EIF4G1: variants seen among roughly 807,000 people sequenced by gnomAD.
EIF4G1 encodes the protein EIF4-gamma.
Under a neutral mutation model 187.8 loss-of-function variants are expected in EIF4G1, and 4 were observed. The observed-to-expected ratio is 0.02, with a 90% CI of 0.01 to 0.05. The LOEUF (loss-of-function observed/expected upper bound fraction) is 0.05, where lower values mean the gene tolerates loss of function less well. EIF4G1 is among the 10% of genes least tolerant of loss of function. EIF4G1 has a pLI of 1.00. For synonymous variants in EIF4G1, 844 were observed against 781.4 expected (o/e 1.08, Z -1.34); for missense variants, 1,647 against 2,081.1 (o/e 0.79, Z 4.06).
chr3:184,324,753 C>T, intron 17 of EIF4G1, 125 bp from the exon 18 acceptor site: 2 of 1,065,756 alleles, frequency 1.9e-6, no homozygotes, highest in Non-Finnish European at 1.4e-6. Context: ...GCATGAGCCA[C>T]TATGCCCAGC....
intron 17 of EIF4G1, 49 bp from the exon 18 acceptor site, chr3:184,324,829 C>T (rs746825239): frequency 5.4e-5 from 86 of 1,595,570 alleles, no homozygotes; most frequent in Middle Eastern, 1.8e-4. Flanking sequence ...GGGTTTTAGC[C>T]GAGTGGCTGG....
In EIF4G1 at chr3:184,323,836, G is replaced by A. The variant is rs768489606; in HGVS notation, c.2331G>A (p.Gln777=). ...ATAAACTGACACCCCAGATGTTCCA[G>A]CAGCTGATGAAGCAAGTGACGCAGC... ...ILNKLTPQMF[Q]QLMKQVTQLA... Residue 777 remains glutamine, a synonymous_variant, in exon 16 of 33, where the codon CAG becomes CAA. Coordinates refer to ENST00000346169, the MANE Select transcript of EIF4G1 (RefSeq NM_198241.3). The surrounding 1 kb of genome is among the most constrained non-coding windows in gnomAD (Gnocchi z 6.9). The A allele has an allele frequency of 3.7e-6, 6 of 1,614,068 alleles. No homozygotes were observed. The highest frequency in any genetic ancestry group is 2.7e-5 in the African/African-American group (2 of 74,932).
rs1724750017 is a variant in EIF4G1 at position 184,325,702 on chromosome 3, T to G, written c.3121+63T>G. ...GGGACCGGGAGGTTATACTTTCCTCTGATGACTTCCTGTTAGTGCCACGTG... is the reference window on the plus strand; with the variant it reads ...GGGACCGGGAGGTTATACTTTCCTCGGATGACTTCCTGTTAGTGCCACGTG... On this transcript the variant is annotated intron_variant, in intron 20 of 32. Transcript: ENST00000346169. This position sits in a 1 kb window ranked among gnomAD's most constrained non-coding sequence, Gnocchi z 5.2. The G allele has an allele frequency of 5.6e-6, 9 of 1,613,556 alleles. No individual in the cohort carries two copies. In the East Asian group the frequency reaches 2.0e-4, roughly 36 times the overall value.
rs754719526 is a variant in EIF4G1 at position 184,322,041 on chromosome 3, C to A, written c.1457C>A (p.Pro486Gln). Residue 486 changes from proline (P) to glutamine (Q), a missense_variant, in exon 10 of 33, where the codon CCA becomes CAA. This residue lies in a region of EIF4G1 where 522 missense variants were observed against 485.2 expected (regional missense o/e 1.08). Coordinates refer to ENST00000346169, the MANE Select transcript of EIF4G1 (RefSeq NM_198241.3). ...AAAGGAGGAGAGGAACTGCTCCCCC[C>A]AGAGAGTACCCCTATTCCAGCCAAC... ...SEKGGEELLP[P>Q]ESTPIPANLS... 7 of 1,613,992 alleles carry A rather than the reference C, an allele frequency of 4.3e-6. No homozygotes were observed. Among genetic ancestry groups the A allele is most frequent in the Non-Finnish European group, 5.1e-6 (6 of 1,180,048 alleles).
rs1216864618 is a variant in EIF4G1 at position 184,315,779 on chromosome 3, G to C, written c.-18G>C. 3.9e-6 allele frequency: 6 copies of C among 1,551,564 alleles called. No homozygotes were observed. Among genetic ancestry groups the C allele is most frequent in the Non-Finnish European group, 4.4e-6 (5 of 1,146,982 alleles). ...TCCCAACAGGTGCTGGGGGGACCCTGATGTGGCACCAAATGAAATGAACAA... is the reference window on the plus strand; with the variant it reads ...TCCCAACAGGTGCTGGGGGGACCCTCATGTGGCACCAAATGAAATGAACAA... On this transcript the variant is annotated 5_prime_UTR_variant, in exon 3 of 33. Coordinates refer to ENST00000346169, the MANE Select transcript of EIF4G1 (RefSeq NM_198241.3).
At chr3:184,328,462 G>T (rs1023945820) in intron 26 of EIF4G1, 169 bp from the exon 27 acceptor site, 1 of 952,556 alleles carries the variant, frequency 1.0e-6, no homozygotes, top group Non-Finnish European at 1.7e-6. Context: ...GTTAAGCGGG[G>T]TGAAAACCAT....
At chr3:184,315,709 T>G in intron 2 of EIF4G1, 54 bp from the exon 3 acceptor site, 1 of 1,378,690 alleles carries the variant, frequency 7.3e-7, no homozygotes, top group Non-Finnish European at 1.0e-6. Flanking sequence ...CACCGCCCCA[T>G]TTGCCTTAAG....
Position 184,324,258 on chromosome 3 carries a change from T to C in EIF4G1, c.2530T>C (p.Leu844=), listed in dbSNP as rs112367078. 1.9e-6 allele frequency: 3 copies of C among 1,614,230 alleles called. No individual in the cohort carries two copies. Among genetic ancestry groups the C allele is most frequent in the Non-Finnish European group, 2.5e-6 (3 of 1,180,048 alleles). Residue 844 remains leucine (L), a synonymous_variant, in exon 17 of 33, where the codon TTG becomes CTG. Transcript: ENST00000346169. The stretch of plus-strand genomic sequence containing the variant: ...GACTGTGAACTTCCGAAAGCTGTTG[T>C]TGAATCGATGTCAGAAGGAGTTTGA... ...TVTVNFRKLL[L]NRCQKEFEKD... is the part of the protein sequence containing the mutation.
Position 184,327,906 on chromosome 3 carries a change from C to T in EIF4G1, c.3857C>T (p.Thr1286Met), listed in dbSNP as rs781371449. ...TTTGTACGGCATGGTGTCGAGTCTA[C>T]GCTGGAGCGCAGTGCCATTGCTCGT... is the stretch of plus-strand genomic sequence containing the variant. Reference protein sequence around the residue: ...FIFVRHGVESTLERSAIAREH... With the variant: ...FIFVRHGVESMLERSAIAREH... Residue 1286 changes from threonine (T) to methionine (M), a missense_variant, in exon 26 of 33, where the codon ACG (threonine) becomes ATG (methionine). Coordinates refer to ENST00000346169, the MANE Select transcript of EIF4G1 (RefSeq NM_198241.3). The T allele has an allele frequency of 2.2e-5, 35 of 1,613,384 alleles. No individual in the cohort carries two copies. Among genetic ancestry groups the T allele is most frequent in the South Asian group, 7.7e-5 (7 of 91,088 alleles).
rs2108496453 is a variant in EIF4G1, at chr3:184,325,054, T to G, written c.2796T>G (p.Leu932=). ...TTAAGAACCATGATGAAGAGTCCCT[T>G]GAGTGCCTTTGTCGTCTGCTCACCA... The part of the protein sequence containing the change: ...KLLKNHDEES[L]ECLCRLLTTI... Residue 932 remains leucine, a synonymous_variant, in exon 18 of 33, where the codon CTT becomes CTG. Coordinates refer to ENST00000346169, the MANE Select transcript of EIF4G1 (RefSeq NM_198241.3). This position sits in a 1 kb window ranked among gnomAD's most constrained non-coding sequence, Gnocchi z 5.2. The G allele has an allele frequency of 1.2e-6, 2 of 1,614,204 alleles. No homozygotes were observed. The highest frequency in any genetic ancestry group is 4.5e-5 in the East Asian group (2 of 44,870).
intron 32 of EIF4G1, among the ~76,000 whole-genome samples, chr3:184,332,368 G>A (rs530612370): frequency 2.6e-5 from 4 of 152,320 alleles, no homozygotes; most frequent in African/African-American, 4.8e-5. Context: ...TCCCAGTACC[G>A]TGTGCCCCCA....
rs780629228 is a variant in EIF4G1 at position 184,322,697 on chromosome 3, C to G, written c.1762C>G (p.Gln588Glu). The change falls in exon 12 of 33, where the codon CAG (glutamine) becomes GAG (glutamate). Residue 588 changes from glutamine to glutamate, a missense_variant. Gln to Glu is a conservative substitution (Grantham distance 29). This residue lies in a region of EIF4G1 where 522 missense variants were observed against 485.2 expected (regional missense o/e 1.08). Coordinates refer to ENST00000346169, the MANE Select transcript of EIF4G1 (RefSeq NM_198241.3). ...EDKIHNAENI[Q>E]PGEQKYEYKS... The stretch of plus-strand genomic sequence containing the variant: ...CAAAATTCACAATGCTGAGAACATC[C>G]AGCCCGGGGAACAGAAGTATGAATA... The G allele has an allele frequency of 6.2e-6, 10 of 1,614,060 alleles. No homozygotes were observed. The South Asian group carries it at 1.1e-4, about 18-fold the overall frequency.
chr3:184,320,951 G>C lies in EIF4G1; in HGVS notation c.655G>C (p.Ala219Pro). 1 of 1,614,216 alleles carries C rather than the reference G, an allele frequency of 6.2e-7. No individual in the cohort carries two copies. The highest frequency in any genetic ancestry group is 8.5e-7 in the Non-Finnish European group (1 of 1,180,032). Residue 219 changes from alanine (A) to proline (P), a missense_variant, in exon 9 of 33, where the codon GCT becomes CCT. Ala to Pro is a conservative substitution (Grantham distance 27, BLOSUM62 -1). Around this residue, in one of 11 missense-constraint regions of EIF4G1, gnomAD observed 522 missense variants for 485.2 expected, o/e 1.08. Transcript: ENST00000346169. ...PQTGGGLEPQ[A>P]NGETPQVAVI... ...GACGGGAGGCGGTCTGGAGCCTCAAGCTAATGGGGAGACGCCCCAGGTTGC... is the reference window on the plus strand; with the variant it reads ...GACGGGAGGCGGTCTGGAGCCTCAACCTAATGGGGAGACGCCCCAGGTTGC...
rs960792011 is a variant in EIF4G1 at position 184,327,427 on chromosome 3, C to T, written c.3640C>T (p.Arg1214Trp). Residue 1214 changes from arginine (R) to tryptophan (W), a missense_variant, in exon 24 of 33, where the codon CGG (arginine) becomes TGG (tryptophan). Arg to Trp is a moderately radical substitution (Grantham distance 101). Transcript: ENST00000346169. ...LRKAASLTED[R>W]DRGRDAVKRE... is the part of the protein sequence containing the mutation. Reference sequence around the variant, plus strand: ...CAAGGCAGCTAGCCTCACGGAGGATCGGGACCGTGGGCGGGATGCCGGTGA... The same window carrying T: ...CAAGGCAGCTAGCCTCACGGAGGATTGGGACCGTGGGCGGGATGCCGGTGA... 15 of 1,613,284 alleles carry T rather than the reference C, an allele frequency of 9.3e-6. No individual in the cohort carries two copies. Among genetic ancestry groups the T allele is most frequent in the African/African-American group, 4.0e-5 (3 of 74,916 alleles).
chr3:184,321,884 C>T lies in EIF4G1; in HGVS notation c.1300C>T (p.Pro434Ser). 1.1e-5 allele frequency: 18 copies of T among 1,612,828 alleles called. No homozygotes were observed. Among genetic ancestry groups the T allele is most frequent in the Non-Finnish European group, 1.5e-5 (18 of 1,179,050 alleles). ...QAKEVTASMA[P>S]PTIPSATPAT... ...CAAGGAGGTGACAGCATCAATGGCG[C>T]CCCCCACCATCCCCTCTGCTACTCC... Residue 434 changes from proline (P) to serine (S), a missense_variant, in exon 10 of 33, where the codon CCC becomes TCC. Pro to Ser is a moderately conservative substitution (Grantham distance 74). This residue lies in a region of EIF4G1 where 522 missense variants were observed against 485.2 expected (regional missense o/e 1.08). Coordinates refer to ENST00000346169, the MANE Select transcript of EIF4G1 (RefSeq NM_198241.3).
chr3:184,321,815 C>T lies in EIF4G1; in HGVS notation c.1231C>T (p.Pro411Ser). Residue 411 changes from proline to serine, a missense_variant, in exon 10 of 33, where the codon CCA becomes TCA. Coordinates refer to ENST00000346169, the MANE Select transcript of EIF4G1 (RefSeq NM_198241.3). ...EELLNGAPSPPAVDLSPVSEP... is the reference protein window; with the variant it reads ...EELLNGAPSPSAVDLSPVSEP... ...ACTGCTCAACGGAGCCCCCTCGCCA[C>T]CAGCTGTGGACTTAAGCCCAGTCAG... The T allele has an allele frequency of 3.1e-6, 5 of 1,614,078 alleles. No individual in the cohort carries two copies. The highest frequency in any genetic ancestry group is 4.2e-6 in the Non-Finnish European group (5 of 1,179,926).
Position 184,325,793 on chromosome 3 carries a change from G to C in EIF4G1, c.3122-58G>C. ...GGAAGGGAGGCTGGGGGTGGCCCAA[G>C]GGGAAGGGGCTGCTAGGATTTATTC... On this transcript the variant is annotated intron_variant, in intron 20 of 32. Coordinates refer to ENST00000346169, the MANE Select transcript of EIF4G1 (RefSeq NM_198241.3). This position sits in a 1 kb window ranked among gnomAD's most constrained non-coding sequence, Gnocchi z 5.2. 1 of 1,612,910 alleles carries C rather than the reference G, an allele frequency of 6.2e-7. No homozygotes were observed. The highest frequency in any genetic ancestry group is 1.3e-5 in the African/African-American group (1 of 75,028).
In EIF4G1 at chr3:184,326,816, G is replaced by T. The variant is rs1387570210; in HGVS notation, c.3326-65G>T. 6 of 1,596,430 alleles carry T rather than the reference G, an allele frequency of 3.8e-6. 1 individual carries two copies. In the African/African-American group the frequency reaches 6.7e-5, roughly 18 times the overall value. On this transcript the variant is annotated intron_variant, in intron 22 of 32. Transcript: ENST00000346169. Reference sequence around the variant, plus strand: ...GACTGGGACCAAGTGTCCTAAACTGGCAAGTAGGGGATAAAATGCAGGAAA... The same window carrying T: ...GACTGGGACCAAGTGTCCTAAACTGTCAAGTAGGGGATAAAATGCAGGAAA...
intron 6 of EIF4G1, among the ~76,000 whole-genome samples, chr3:184,319,469 G>A (rs1231751710): frequency 8.6e-6 from 1 of 116,668 alleles, no homozygotes; most frequent in Admixed American, 8.2e-5. Flanking sequence ...GTGTGTGTTT[G>A]TGTGTGTGTG....
Sources: allele counts gnomAD v4.1 joint callset (sites outside exome capture counted in the v4.1 genomes callset), GRCh38; gene constraint gnomAD v4.1.1; regional missense constraint gnomAD v4.1.1; non-coding constraint Gnocchi (gnomAD v3.1); transcripts MANE v1.5; gene names NCBI Gene and HGNC (gene_info 2026-07-23, HGNC 2026-07-21).